Variants in MICU2 observed in about 807,000 individuals in gnomAD.
The protein encoded by MICU2 is mitochondrial calcium uptake 2.
MICU2 carries 64 observed loss-of-function variants against 60.4 expected under a neutral mutation model. The ratio of observed to expected loss-of-function variants is 1.06; its 90% confidence interval spans 0.87 to 1.31. The LOEUF is 1.31. Among genes scored for constraint, MICU2 ranks in the 50% most tolerant of loss-of-function variants. MICU2 has a pLI of 0.00. For missense variants in MICU2, 569 were observed against 531.0 expected, an observed-to-expected ratio of 1.07 and a Z score of -0.70; for synonymous variants, 201 against 175.0, an observed-to-expected ratio of 1.15 and a Z score of -1.17.
At chr13:21,501,614 G>A (rs547310483) in intron 9 of MICU2, among the ~76,000 whole-genome samples, 28 of 152,262 alleles carry the variant, frequency 1.8e-4, no homozygotes, top group Admixed American at 5.9e-4. Flanking sequence ...TGAAACCCAC[G>A]AGTATTCACC....
chr13:21,598,915 G>C (rs1888755289), intron 1 of MICU2, among the ~76,000 whole-genome samples: 2 of 152,186 alleles, frequency 1.3e-5, no homozygotes, highest in South Asian at 4.1e-4. Flanking sequence ...GACCAGTAAG[G>C]GTCCATGGTC....
chr13:21,519,969 A>C (rs2138163505), intron 6 of MICU2, among the ~76,000 whole-genome samples: 1 of 152,310 alleles, frequency 6.6e-6, no homozygotes, highest in African/African-American at 2.4e-5. Context: ...GATCTAAAAT[A>C]TTTCCAGTAC....
intron 8 of MICU2, among the ~76,000 whole-genome samples, chr13:21,509,766 A>G (rs918552134): frequency 2.6e-5 from 4 of 152,234 alleles, no homozygotes; most frequent in African/African-American, 9.6e-5. Context: ...AAAAAGAATT[A>G]TTGTATTCTA....
chr13:21,575,599 C>T (rs1019136894), intron 1 of MICU2, among the ~76,000 whole-genome samples: 2 of 151,476 alleles, frequency 1.3e-5, no homozygotes, highest in African/African-American at 4.8e-5. Context: ...TGGCTCACAC[C>T]TGTGGTCCCA....
chr13:21,582,038 C>T (rs1888358932), intron 1 of MICU2, among the ~76,000 whole-genome samples: 1 of 152,180 alleles, frequency 6.6e-6, no homozygotes, highest in African/African-American at 2.4e-5. Context: ...GGGGTGCCTT[C>T]CCCTGCTCTA....
Position 21,493,224 on chromosome 13 carries a change from A to G in MICU2, c.*25T>C. The G allele has an allele frequency of 6.7e-7, 1 of 1,491,240 alleles. No individual in the cohort carries two copies. Among genetic ancestry groups the G allele is most frequent in the Non-Finnish European group, 9.1e-7 (1 of 1,093,418 alleles). The allele number at this position is 1,491,240 out of a possible 1,614,324, so 92.4% of individuals were successfully genotyped here. On this transcript the variant is annotated 3_prime_UTR_variant, in exon 12 of 12. Coordinates refer to ENST00000382374, the MANE Select transcript of MICU2 (RefSeq NM_152726.3). ...CAAATTTTGACATTTGGAACAATAT[A>G]ATTGCCATACTATTATATCTTTTAT...
rs371747039 is a variant in MICU2 at position 21,587,609 on chromosome 13, C to A, written c.210+16330G>T. ...CTGCAAATGCAAGTAGGCATAGGAA[C>A]AATACGAATGGATTATAGATCGGAG... On this transcript the variant is annotated intron_variant, in intron 1 of 11. Coordinates refer to ENST00000382374, the MANE Select transcript of MICU2 (RefSeq NM_152726.3). Among the ~76,000 whole-genome samples, 18 of 152,322 alleles carry A rather than the reference C, an allele frequency of 1.2e-4. 1 individual carries two copies. Among genetic ancestry groups the A allele is most frequent in the African/African-American group, 4.1e-4 (17 of 41,570 alleles).
intron 1 of MICU2, among the ~76,000 whole-genome samples, chr13:21,598,317 T>C (rs551989415): frequency 3.3e-5 from 5 of 152,296 alleles, no homozygotes; most frequent in Non-Finnish European, 7.4e-5. Flanking sequence ...ACAAATAAAA[T>C]ATCACTGATA....
intron 2 of MICU2, among the ~76,000 whole-genome samples, chr13:21,565,857 A>C (rs1437018073): frequency 1.3e-5 from 2 of 152,116 alleles, no homozygotes; most frequent in Non-Finnish European, 2.9e-5. Context: ...AACCCTAAAC[A>C]TATTTTTACC....
At position 21,514,664 on chromosome 13, in the gene MICU2, C is replaced by T. The variant is rs181443359; in HGVS notation, c.598-246G>A. Among the ~76,000 whole-genome samples the T allele has an allele frequency of 1.7e-3, 255 of 151,684 alleles. 3 individuals carry two copies. Among genetic ancestry groups the T allele is most frequent in the African/African-American group, 6.0e-3 (247 of 41,384 alleles). On this transcript the variant is annotated intron_variant, in intron 6 of 11. Coordinates refer to ENST00000382374, the MANE Select transcript of MICU2 (RefSeq NM_152726.3). ...TCTCCTGCCTCAGCCTCCCAAGTAG[C>T]TGGGACTACAGGCGCCCGCCACCAC...
intron 7 of MICU2, among the ~76,000 whole-genome samples, chr13:21,511,660 A>G (rs1314651459): frequency 1.3e-5 from 2 of 152,168 alleles, no homozygotes; most frequent in Non-Finnish European, 2.9e-5. Flanking sequence ...AGGATTCCTC[A>G]TGTTGCTTTT....
chr13:21,509,822 T>C (rs1038998279), intron 8 of MICU2, among the ~76,000 whole-genome samples, 182 bp downstream of exon 8: 1 of 152,256 alleles, frequency 6.6e-6, no homozygotes, highest in Non-Finnish European at 1.5e-5. Flanking sequence ...ATTTTGAGCA[T>C]ACTAATTTTA....
intron 9 of MICU2, among the ~76,000 whole-genome samples, chr13:21,499,479 G>T (rs979526063): frequency 6.6e-5 from 10 of 151,006 alleles, no homozygotes; most frequent in Non-Finnish European, 1.2e-4. Flanking sequence ...GCACAATCTC[G>T]GCTCCCTGCA....
At chr13:21,543,002 A>G (rs1377197930) in intron 2 of MICU2, among the ~76,000 whole-genome samples, 1 of 152,222 alleles carries the variant, frequency 6.6e-6, no homozygotes, top group African/African-American at 2.4e-5. Context: ...TCTAATACAT[A>G]AAAATTAGAC....
Position 21,534,518 on chromosome 13 carries a change from T to G in MICU2, c.466+4784A>C, listed in dbSNP as rs531329966. Among the ~76,000 whole-genome samples, 263 of 152,240 alleles carry G rather than the reference T, an allele frequency of 1.7e-3. 3 individuals are homozygous for G. The highest frequency in any genetic ancestry group is 6.1e-3 in the African/African-American group (255 of 41,534). On this transcript the variant is annotated intron_variant, in intron 4 of 11. Coordinates refer to ENST00000382374, the MANE Select transcript of MICU2 (RefSeq NM_152726.3). ...CACTATGCCTGGCCCCAATTAATACTAACTGGGAAGAAGACCAACATAAAT... is the reference window on the plus strand; with the variant it reads ...CACTATGCCTGGCCCCAATTAATACGAACTGGGAAGAAGACCAACATAAAT...
At chr13:21,512,033 C>G (rs968287726) in intron 7 of MICU2, among the ~76,000 whole-genome samples, 4 of 152,188 alleles carry the variant, frequency 2.6e-5, no homozygotes, top group Non-Finnish European at 5.9e-5. Context: ...TACGAACAAT[C>G]CCAGGAGCAC....
At chr13:21,514,812 T>TTACAG (rs1321554135) in intron 6 of MICU2, among the ~76,000 whole-genome samples, 1 of 151,912 alleles carries the variant, frequency 6.6e-6, no homozygotes, top group Non-Finnish European at 1.5e-5. Flanking sequence ...AGTGCTGGGA[T>TTACAG]TACAGGTGTG....
rs1223939086 is a variant in MICU2, at chr13:21,593,588, A to AC, written c.210+10350_210+10351insG. The stretch of plus-strand genomic sequence containing the variant: ...ATCCTAAGCAAAAAAAAAAAAAAAA[A>AC]AAAAAACAAAGCTGGAGGCATCATG... On this transcript the variant is annotated intron_variant, in intron 1 of 11. Coordinates refer to ENST00000382374, the MANE Select transcript of MICU2 (RefSeq NM_152726.3). 3.3e-5 allele frequency among the ~76,000 whole-genome samples: 5 copies of AC among 150,050 alleles called. No individual in the cohort carries two copies. In the South Asian group the frequency reaches 6.3e-4, roughly 19 times the overall value.
Position 21,503,043 on chromosome 13 carries a change from A to C in MICU2, c.816T>G (p.Ser272=), listed in dbSNP as rs754144412. 18 of 1,607,126 alleles carry C rather than the reference A, an allele frequency of 1.1e-5. No homozygotes were observed. The Middle Eastern group carries it at 1.7e-3, about 148-fold the overall frequency. ...EIQEMEFLQF[S]KGLSFMRKED... ...CTTTTCTCATGAAACTCAAACCTTT[A>C]GAAAACTGAAGGAATTCCATTTCTT... The change falls in exon 9 of 12, where the codon TCT becomes TCG. Residue 272 remains serine, a synonymous_variant. Coordinates refer to ENST00000382374, the MANE Select transcript of MICU2 (RefSeq NM_152726.3).
Sources: gnomAD v4.1 joint callset for allele counts (sites outside exome capture counted in the v4.1 genomes callset) on GRCh38, gnomAD v4.1.1 for gene constraint, MANE v1.5 for transcripts, NCBI Gene and HGNC (gene_info 2026-07-23, HGNC 2026-07-21) for gene names.